The following TCF12 variants were observed in gnomAD, a reference collection of about 807,000 sequenced individuals.
TCF12 encodes the protein DNA-binding protein HTF4.
A neutral mutation model predicts 86.0 loss-of-function variants in TCF12; 45 were observed. The observed-to-expected ratio is 0.52, with a 90% CI of 0.41 to 0.67. The LOEUF (loss-of-function observed/expected upper bound fraction) is 0.67, where lower values mean the gene tolerates loss of function less well. Among genes scored for constraint, TCF12 ranks in the 30% least tolerant of loss-of-function variants. TCF12 has a pLI of 0.00. For missense variants in TCF12, 881 were observed against 859.9 expected (o/e 1.02, Z -0.31); for synonymous variants, 330 against 299.6 (o/e 1.10, Z -1.05).
chr15:57,220,733 GGAGCTATCTTTGTAA>G (rs2058553550), intron 8 of TCF12, among the ~76,000 whole-genome samples: 1 of 151,556 alleles, frequency 6.6e-6, no homozygotes, highest in African/African-American at 2.4e-5. Context: ...AGTTTCAATA[GGAGCTATCTTTGTAA>G]GATACTTGAT....
chr15:56,970,479 CAAAAAAAAA>C (rs59118732), intron 3 of TCF12, among the ~76,000 whole-genome samples: 4 of 65,476 alleles, frequency 6.1e-5, no homozygotes, highest in Admixed American at 4.4e-4. Context: ...GACTCCATCT[CAAAAAAAAA>C]AAAAAAAAAA....
chr15:57,002,566 A>C (rs1334356588), intron 3 of TCF12, among the ~76,000 whole-genome samples: 1 of 152,230 alleles, frequency 6.6e-6, no homozygotes, highest in Non-Finnish European at 1.5e-5. Context: ...CACAATACAG[A>C]GTACTGAACT....
At chr15:56,970,513 A>G (rs547195077) in intron 3 of TCF12, among the ~76,000 whole-genome samples, 265 of 148,370 alleles carry the variant, frequency 1.8e-3, no homozygotes, top group African/African-American at 6.3e-3. Flanking sequence ...CAAGATTACT[A>G]TCTTTGGCCC....
At chr15:57,188,030 A>G (rs2056776112) in intron 6 of TCF12, among the ~76,000 whole-genome samples, 1 of 152,150 alleles carries the variant, frequency 6.6e-6, no homozygotes, top group South Asian at 2.1e-4. Context: ...TCATTTGCAG[A>G]CGATATGATC....
chr15:56,924,222 A>C (rs2140200471), intron 3 of TCF12, among the ~76,000 whole-genome samples: 1 of 152,290 alleles, frequency 6.6e-6, no homozygotes, highest in East Asian at 1.9e-4. Context: ...GCACCTTGAA[A>C]AATTAGTACA....
intron 3 of TCF12, among the ~76,000 whole-genome samples, chr15:57,020,952 GAT>G (rs1449139677): frequency 4.6e-5 from 7 of 152,126 alleles, no homozygotes; most frequent in African/African-American, 1.7e-4. Context: ...TATTATATGA[GAT>G]AGATGAAGAG....
chr15:57,148,247 G>A (rs1451997041), intron 5 of TCF12, among the ~76,000 whole-genome samples: 4 of 151,764 alleles, frequency 2.6e-5, no homozygotes, highest in African/African-American at 4.8e-5. Context: ...GGTTATTTTA[G>A]ATAGTTTAGT....
At chr15:56,929,472 T>C (rs1385964352) in intron 3 of TCF12, among the ~76,000 whole-genome samples, 1 of 152,184 alleles carries the variant, frequency 6.6e-6, no homozygotes, top group East Asian at 1.9e-4. Flanking sequence ...GTAATTTTTA[T>C]AGAGAGAGCT....
At chr15:56,924,030 G>A (rs1224422959) in intron 3 of TCF12, among the ~76,000 whole-genome samples, 2 of 151,640 alleles carry the variant, frequency 1.3e-5, no homozygotes, top group Non-Finnish European at 1.5e-5. Context: ...TTTGTGGGGC[G>A]GGGGGTTATT....
intron 4 of TCF12, among the ~76,000 whole-genome samples, chr15:57,069,029 T>G (rs1468443751): frequency 6.6e-6 from 1 of 152,222 alleles, no homozygotes; most frequent in Non-Finnish European, 1.5e-5. Context: ...TATATGAGTT[T>G]GTGGAAATGT....
At chr15:57,125,139 T>C (rs1254167760) in intron 5 of TCF12, among the ~76,000 whole-genome samples, 2 of 152,164 alleles carry the variant, frequency 1.3e-5, no homozygotes, top group African/African-American at 4.8e-5. Flanking sequence ...TAGCCAAGCT[T>C]TCATGCCCAG....
At position 57,166,432 on chromosome 15, in the gene TCF12, T is replaced by C. The variant is rs1193799676; in HGVS notation, c.356T>C (p.Leu119Pro). ...ACATCAGAGAGAGGCTCATTTTCCC[T>C]GTACAGCAGAGATACTGGATTACCA... The part of the protein sequence containing the change: ...GKTSERGSFS[L>P]YSRDTGLPGC... The change falls in exon 6 of 21, where the codon CTG becomes CCG. Residue 119 changes from leucine to proline, a missense_variant. Coordinates refer to ENST00000333725, the MANE Select transcript of TCF12 (RefSeq NM_207037.2). The C allele has an allele frequency of 2.5e-6, 4 of 1,612,476 alleles. No individual in the cohort carries two copies. The highest frequency in any genetic ancestry group is 3.4e-6 in the Non-Finnish European group (4 of 1,179,490).
chr15:57,016,401 A>G (rs968373084), intron 3 of TCF12, among the ~76,000 whole-genome samples: 4 of 152,134 alleles, frequency 2.6e-5, no homozygotes, highest in African/African-American at 7.2e-5. Flanking sequence ...TTGAATTTCT[A>G]AGGTAGACTT....
chr15:57,039,418 T>A (rs998355662), intron 3 of TCF12, among the ~76,000 whole-genome samples: 17 of 152,238 alleles, frequency 1.1e-4, no homozygotes, highest in African/African-American at 3.6e-4. Flanking sequence ...GTCATTTGTA[T>A]ACCCAGGTAT....
intron 3 of TCF12, among the ~76,000 whole-genome samples, chr15:57,062,437 G>GT (rs201644198): frequency 0.012 from 1,767 of 151,892 alleles, 33 homozygotes; most frequent in African/African-American, 0.04. Flanking sequence ...CTCATCTTTT[G>GT]TATCAACTTT....
chr15:57,026,830 C>A (rs1181138588), intron 3 of TCF12, among the ~76,000 whole-genome samples: 1 of 151,928 alleles, frequency 6.6e-6, no homozygotes, highest in Non-Finnish European at 1.5e-5. Context: ...ATGCTGAAGG[C>A]CTTTATATAA....
chr15:57,220,586 T>C (rs2058544599), intron 8 of TCF12, among the ~76,000 whole-genome samples: 1 of 152,230 alleles, frequency 6.6e-6, no homozygotes, highest in South Asian at 2.1e-4. Flanking sequence ...TTTAAAATAA[T>C]ACTTTTTTGT....
chr15:56,941,638 G>T (rs1164092374), intron 3 of TCF12, among the ~76,000 whole-genome samples: 1 of 151,270 alleles, frequency 6.6e-6, no homozygotes. Context: ...GCCTCCCAAA[G>T]TGCTGGGATT....
chr15:57,031,641 TAGAGAA>T (rs1162984021), intron 3 of TCF12, among the ~76,000 whole-genome samples: 1 of 152,160 alleles, frequency 6.6e-6, no homozygotes, highest in Non-Finnish European at 1.5e-5. Context: ...TGCAGGCAGA[TAGAGAA>T]AGAACATCAG....
Sources: allele counts gnomAD v4.1 joint callset (sites outside exome capture counted in the v4.1 genomes callset), GRCh38; gene constraint gnomAD v4.1.1; transcripts MANE v1.5; gene names NCBI Gene and HGNC (gene_info 2026-07-23, HGNC 2026-07-21).